Variants in AGBL1 observed in about 807,000 individuals in gnomAD.
The protein encoded by AGBL1 is AGBL carboxypeptidase 1.
AGBL1 carries 130 observed loss-of-function variants against 118.9 expected under a neutral mutation model. The ratio of observed to expected loss-of-function variants is 1.09; its 90% CI spans 0.95 to 1.26. The LOEUF is 1.26. Ranked by LOEUF, AGBL1 falls within the 50% of genes most tolerant of loss-of-function variation. The pLI is 0.00. For missense variants in AGBL1, 1,584 were observed against 1,298.1 expected, an observed-to-expected ratio of 1.22 and a Z score of -3.38; for synonymous variants, 555 against 478.9, an observed-to-expected ratio of 1.16 and a Z score of -2.08.
intron 24 of AGBL1, among the ~76,000 whole-genome samples, chr15:87,008,901 A>T (rs1474785959): frequency 1.3e-5 from 2 of 152,202 alleles, no homozygotes; most frequent in Non-Finnish European, 2.9e-5. Flanking sequence ...TCTAAGTAGC[A>T]AAGCATTCAA....
At position 86,526,542 on chromosome 15, in the gene AGBL1, G is replaced by GTATATATATA. The variant is rs1261876704; in HGVS notation, c.2685+3604_2685+3605insATATATATAT. Reference sequence around the variant, plus strand: ...TATGCACACAGATATGTTTGTGTCTGTGTATATATATATATATATATATAT... The same window carrying GTATATATATA: ...TATGCACACAGATATGTTTGTGTCTGTATATATATATGTATATATATATATATATATATAT... On this transcript the variant is annotated intron_variant, in intron 19 of 22. Coordinates refer to ENST00000614907, the MANE Select transcript of AGBL1 (RefSeq NM_001386094.1). 9.8e-3 allele frequency among the ~76,000 whole-genome samples: 407 copies of GTATATATATA among 41,342 alleles called. 4 individuals are homozygous for GTATATATATA. Among genetic ancestry groups the GTATATATATA allele is most frequent in the African/African-American group, 0.025 (383 of 15,426 alleles). 27.1% of individuals were successfully genotyped at this position (41,342 alleles called of 152,430 possible). A position where few individuals can be genotyped will look rare whatever the true frequency, so the allele number is the denominator to read the frequency against.
At chr15:86,321,250 T>C (rs1171216248) in intron 17 of AGBL1, among the ~76,000 whole-genome samples, 2 of 152,224 alleles carry the variant, frequency 1.3e-5, no homozygotes, top group African/African-American at 4.8e-5. Context: ...GAGAACTTTT[T>C]AACCTGTTAA....
chr15:86,126,750 T>C (rs528219319), intron 1 of AGBL1, among the ~76,000 whole-genome samples: 1 of 152,220 alleles, frequency 6.6e-6, no homozygotes, highest in Non-Finnish European at 1.5e-5. Context: ...GAAAGATAAA[T>C]AGGATGCCTA....
intron 16 of AGBL1, among the ~76,000 whole-genome samples, chr15:86,281,508 C>G (rs2079354212): frequency 6.6e-6 from 1 of 152,204 alleles, no homozygotes; most frequent in Admixed American, 6.5e-5. Flanking sequence ...ATCTAGGACA[C>G]TGTTCTTTTT....
intron 18 of AGBL1, among the ~76,000 whole-genome samples, chr15:86,514,057 A>G (rs1407373385): frequency 6.6e-6 from 1 of 151,920 alleles, no homozygotes; most frequent in Non-Finnish European, 1.5e-5. Flanking sequence ...TGGGAACTAG[A>G]TATGTTTCTT....
At chr15:86,616,374 G>GAAAAAAAAAAAAAAAA (rs2084725990) in intron 21 of AGBL1, among the ~76,000 whole-genome samples, 2 of 142,396 alleles carry the variant, frequency 1.4e-5, no homozygotes, top group African/African-American at 5.6e-5. Flanking sequence ...AAAAAAAAAT[G>GAAAAAAAAAAAAAAAA]AAGATGGAAA....
chr15:86,102,020 A>G (rs1896756293), intron 1 of AGBL1, among the ~76,000 whole-genome samples: 1 of 147,736 alleles, frequency 6.8e-6, no homozygotes, highest in Admixed American at 6.7e-5. Flanking sequence ...GTAACATTTG[A>G]ATCCTTTCTC....
chr15:86,096,631 C>T (rs751030606), intron 1 of AGBL1, among the ~76,000 whole-genome samples: 1 of 152,104 alleles, frequency 6.6e-6, no homozygotes, highest in Non-Finnish European at 1.5e-5. Flanking sequence ...TATCCAGAAG[C>T]TTGAGGAATT....
intron 23 of AGBL1, among the ~76,000 whole-genome samples, chr15:86,951,749 T>C (rs190257042): frequency 4.1e-4 from 63 of 152,302 alleles, no homozygotes; most frequent in African/African-American, 1.5e-3. Flanking sequence ...ACACTCATGA[T>C]TTGGGCAATT....
intron 5 of AGBL1, among the ~76,000 whole-genome samples, chr15:86,198,262 G>C (rs1002058683): frequency 6.6e-6 from 1 of 152,166 alleles, no homozygotes. Context: ...ATGCACATAA[G>C]TTTTCTGGTC....
At chr15:86,309,994 A>G (rs564263967) in intron 17 of AGBL1, among the ~76,000 whole-genome samples, 2 of 152,338 alleles carry the variant, frequency 1.3e-5, no homozygotes, top group Admixed American at 6.5e-5. Context: ...GGAGAGTTAG[A>G]GAAGGACTGG....
At chr15:86,216,520 G>A (rs151070360) in intron 5 of AGBL1, among the ~76,000 whole-genome samples, 2 of 152,188 alleles carry the variant, frequency 1.3e-5, no homozygotes, top group East Asian at 3.9e-4. Context: ...AGATGATCAG[G>A]TATTTTCAAA....
intron 5 of AGBL1, among the ~76,000 whole-genome samples, chr15:86,164,181 C>G (rs1360584511): frequency 6.6e-6 from 1 of 152,216 alleles, no homozygotes; most frequent in Non-Finnish European, 1.5e-5. Flanking sequence ...CACATTAAAA[C>G]TTTGCTGTCT....
intron 17 of AGBL1, among the ~76,000 whole-genome samples, chr15:86,396,176 C>A (rs2081358612): frequency 7.0e-6 from 1 of 142,296 alleles, no homozygotes; most frequent in Admixed American, 7.1e-5. Context: ...ATCATATATT[C>A]ATATATATGT....
At chr15:86,526,735 C>T (rs771437564) in intron 19 of AGBL1, among the ~76,000 whole-genome samples, 1 of 151,618 alleles carries the variant, frequency 6.6e-6, no homozygotes, top group Non-Finnish European at 1.5e-5. Flanking sequence ...GAACTGGAGG[C>T]CATTATCCTA....
At chr15:86,686,296 C>T (rs2086055060) in intron 22 of AGBL1, among the ~76,000 whole-genome samples, 1 of 152,052 alleles carries the variant, frequency 6.6e-6, no homozygotes, top group African/African-American at 2.4e-5. Flanking sequence ...ATTTGCATTC[C>T]AGTCTTAGCT....
At chr15:86,314,617 A>T (rs1357257065) in intron 17 of AGBL1, among the ~76,000 whole-genome samples, 3 of 152,126 alleles carry the variant, frequency 2.0e-5, no homozygotes, top group African/African-American at 7.2e-5. Flanking sequence ...AGGCATCATT[A>T]TCACCACCTC....
chr15:86,257,862 T>C, intron 8 of AGBL1, 102 bp from the exon 9 acceptor site: 1 of 1,114,858 alleles, frequency 9.0e-7, no homozygotes, highest in Non-Finnish European at 1.3e-6. Context: ...GCCCCTTATT[T>C]GAGAGAGGAA....
intron 18 of AGBL1, among the ~76,000 whole-genome samples, chr15:86,454,470 T>C (rs1319103291): frequency 6.6e-6 from 1 of 152,188 alleles, no homozygotes; most frequent in African/African-American, 2.4e-5. Context: ...GTTGTACTCA[T>C]AATCACCCCA....
Sources: allele counts gnomAD v4.1 joint callset (sites outside exome capture counted in the v4.1 genomes callset), GRCh38; gene constraint gnomAD v4.1.1; transcripts MANE v1.5; gene names NCBI Gene and HGNC (gene_info 2026-07-23, HGNC 2026-07-21).